The following PRKN variants were observed in gnomAD, a reference collection of about 807,000 sequenced individuals.
The protein encoded by PRKN is parkin RBR E3 ubiquitin protein ligase.
PRKN carries 56 observed loss-of-function variants against 59.5 expected under a neutral mutation model. The observed-to-expected ratio is 0.94, with a 90% confidence interval of 0.76 to 1.18. The LOEUF (loss-of-function observed/expected upper bound fraction) is 1.18, where lower values mean the gene tolerates loss of function less well. Among genes scored for constraint, PRKN ranks in the 50% most tolerant of loss-of-function variants. PRKN has a pLI of 0.00. For synonymous variants in PRKN, 250 were observed against 222.1 expected, an observed-to-expected ratio of 1.13 and a Z score of -1.12; for missense variants, 657 against 596.4, an observed-to-expected ratio of 1.10 and a Z score of -1.06.
rs78436131 is a variant in PRKN, at chr6:161,462,771, A to G, written c.1084-75894T>C. Among the ~76,000 whole-genome samples the G allele has an allele frequency of 0.015, 2,296 of 152,330 alleles. 65 individuals are homozygous for G. Among genetic ancestry groups the G allele is most frequent in the African/African-American group, 0.052 (2,165 of 41,566 alleles). The stretch of plus-strand genomic sequence containing the variant: ...TGTTTCTCTGGAGAACGGTAGCAAT[A>G]AAAACACACAGAATACACTTTCATC... On this transcript the variant is annotated intron_variant, in intron 9 of 11. Coordinates refer to ENST00000366898, the MANE Select transcript of PRKN (RefSeq NM_004562.3). This position sits in a 1 kb window ranked among gnomAD's most constrained non-coding sequence, Gnocchi z 4.5.
chr6:161,731,173 C>G (rs1172363451), intron 7 of PRKN, among the ~76,000 whole-genome samples: 1 of 152,234 alleles, frequency 6.6e-6, no homozygotes, highest in African/African-American at 2.4e-5. Flanking sequence ...GTGTTGCATT[C>G]TGATATGTTT....
rs1315730510 is a variant in PRKN, at chr6:161,447,117, C to T, written c.1084-60240G>A. On this transcript the variant is annotated intron_variant, in intron 9 of 11. Coordinates refer to ENST00000366898, the MANE Select transcript of PRKN (RefSeq NM_004562.3). The surrounding 1 kb of genome is among the most constrained non-coding windows in gnomAD (Gnocchi z 4.1). Reference sequence around the variant, plus strand: ...TAATCCCATTTTCCTTCTCACCCCACACTGAGCGTTACTATAGCAACATCT... The same window carrying T: ...TAATCCCATTTTCCTTCTCACCCCATACTGAGCGTTACTATAGCAACATCT... Among the ~76,000 whole-genome samples, 2 of 152,190 alleles carry T rather than the reference C, an allele frequency of 1.3e-5. No homozygotes were observed. The highest frequency in any genetic ancestry group is 1.3e-4 in the Admixed American group (2 of 15,276).
chr6:161,994,242 GA>G (rs756877636), intron 5 of PRKN, among the ~76,000 whole-genome samples: 6,029 of 137,928 alleles, frequency 0.044, 450 homozygotes, highest in African/African-American at 0.15. Flanking sequence ...ATGGTGTGCA[GA>G]AAAAAAAAAA....
intron 6 of PRKN, among the ~76,000 whole-genome samples, chr6:161,840,361 G>A (rs1792933635): frequency 6.6e-6 from 1 of 152,196 alleles, no homozygotes; most frequent in South Asian, 2.1e-4. Context: ...TGGTTAGGGG[G>A]CAGCCTGCCC....
chr6:162,242,321 G>C (rs930858231), intron 3 of PRKN, among the ~76,000 whole-genome samples: 2 of 152,150 alleles, frequency 1.3e-5, no homozygotes, highest in Non-Finnish European at 1.5e-5. Context: ...CAGTGTTAAG[G>C]TTGGTTACCT....
chr6:161,581,451 G>T lies in PRKN; in HGVS notation c.872-12035C>A, dbSNP rs990342062. 1.3e-5 allele frequency among the ~76,000 whole-genome samples: 2 copies of T among 152,136 alleles called. No individual in the cohort carries two copies. The highest frequency in any genetic ancestry group is 4.8e-5 in the African/African-American group (2 of 41,430). On this transcript the variant is annotated intron_variant, in intron 7 of 11. Coordinates refer to ENST00000366898, the MANE Select transcript of PRKN (RefSeq NM_004562.3). This position sits in a 1 kb window ranked among gnomAD's most constrained non-coding sequence, Gnocchi z 4.5. ...CCCAATAAGTACATAAGCAAAAGGA[G>T]TTTTTTTGAGAAGTGTTGAGAGAGA...
intron 6 of PRKN, among the ~76,000 whole-genome samples, chr6:161,969,605 A>T (rs1477028259): frequency 6.6e-6 from 1 of 152,172 alleles, no homozygotes; most frequent in Non-Finnish European, 1.5e-5. Context: ...GCTGGAACTC[A>T]GCTTCCAAGG....
chr6:161,839,975 T>C (rs984178676), intron 6 of PRKN, among the ~76,000 whole-genome samples: 11 of 152,380 alleles, frequency 7.2e-5, no homozygotes, highest in Admixed American at 3.9e-4. Context: ...TCTGATGACA[T>C]TTCTGCAAAA....
intron 1 of PRKN, among the ~76,000 whole-genome samples, chr6:162,702,897 T>C (rs1778207793): frequency 6.6e-6 from 1 of 152,206 alleles, no homozygotes; most frequent in Non-Finnish European, 1.5e-5. Context: ...ATGTACATGG[T>C]TGATTGATAT....
At chr6:162,280,194 G>T (rs1490124729) in intron 2 of PRKN, among the ~76,000 whole-genome samples, 1 of 152,116 alleles carries the variant, frequency 6.6e-6, no homozygotes, top group Non-Finnish European at 1.5e-5. Context: ...TACTACGTGT[G>T]AATTTGTTCC....
intron 2 of PRKN, among the ~76,000 whole-genome samples, chr6:162,323,796 G>A (rs558570582): frequency 7.9e-5 from 12 of 152,170 alleles, no homozygotes; most frequent in African/African-American, 1.4e-4. Context: ...CCCATGCACC[G>A]CTTCTGGGAA....
At chr6:162,248,250 A>T (rs542078413) in intron 3 of PRKN, among the ~76,000 whole-genome samples, 1 of 152,304 alleles carries the variant, frequency 6.6e-6, no homozygotes, top group South Asian at 2.1e-4. Flanking sequence ...AAGACCAAGG[A>T]GAGTCATCAG....
Position 162,250,329 on chromosome 6 carries a change from C to T in PRKN, c.412+12196G>A, listed in dbSNP as rs943473674. 2.6e-5 allele frequency among the ~76,000 whole-genome samples: 4 copies of T among 152,056 alleles called. 1 individual carries two copies. The highest frequency in any genetic ancestry group is 9.7e-5 in the African/African-American group (4 of 41,396). On this transcript the variant is annotated intron_variant, in intron 3 of 11. Coordinates refer to ENST00000366898, the MANE Select transcript of PRKN (RefSeq NM_004562.3). ...GTACCACTTTGTAGAGGCTGAGATA[C>T]CTTGTACATTTTTGTTTGGTAAAGA...
At chr6:162,337,844 T>C (rs1001789997) in intron 2 of PRKN, among the ~76,000 whole-genome samples, 3 of 152,174 alleles carry the variant, frequency 2.0e-5, no homozygotes, top group African/African-American at 7.2e-5. Context: ...TGGAATGGGA[T>C]TATAGGATAT....
At chr6:162,124,812 G>A (rs898539417) in intron 4 of PRKN, among the ~76,000 whole-genome samples, 6 of 152,176 alleles carry the variant, frequency 3.9e-5, no homozygotes, top group East Asian at 1.9e-4. Context: ...CAGACGCCAA[G>A]AAGTAACCTT....
At chr6:161,744,835 G>T (rs1195559616) in intron 7 of PRKN, among the ~76,000 whole-genome samples, 1 of 152,184 alleles carries the variant, frequency 6.6e-6, no homozygotes, top group Non-Finnish European at 1.5e-5. Flanking sequence ...ACGGCATTTG[G>T]AATCACTCAT....
At chr6:161,725,531 G>A (rs60528191) in intron 7 of PRKN, among the ~76,000 whole-genome samples, 24,266 of 152,116 alleles carry the variant, frequency 0.16, 3,422 homozygotes, top group African/African-American at 0.39. Context: ...ATCTTTTAAG[G>A]TACAAATTTC....
At chr6:161,746,726 CTATAT>C (rs1788438457) in intron 7 of PRKN, among the ~76,000 whole-genome samples, 2 of 145,652 alleles carry the variant, frequency 1.4e-5, no homozygotes, top group African/African-American at 5.0e-5. Flanking sequence ...ATATATATGT[CTATAT>C]CTAGATTCTA....
chr6:161,688,429 C>T (rs1444837524), intron 7 of PRKN, among the ~76,000 whole-genome samples: 1 of 152,194 alleles, frequency 6.6e-6, no homozygotes, highest in Non-Finnish European at 1.5e-5. Flanking sequence ...CAACGGGTTC[C>T]ATTAAAAAGC....
Sources: gnomAD v4.1 joint callset for allele counts (sites outside exome capture counted in the v4.1 genomes callset) on GRCh38, gnomAD v4.1.1 for gene constraint, Gnocchi (gnomAD v3.1) non-coding constraint, MANE v1.5 for transcripts, NCBI Gene and HGNC (gene_info 2026-07-23, HGNC 2026-07-21) for gene names.